MTX2: variants seen among roughly 807,000 people sequenced by gnomAD.
MTX2 encodes metaxin 2, also known as metaxin-2.
In MTX2, 35 loss-of-function variants were observed where a neutral mutation model predicts 42.3. That is an observed-to-expected ratio of 0.83 (90% confidence interval 0.63 to 1.10). MTX2 has a LOEUF of 1.10. Ranked by LOEUF, MTX2 falls within the 50% of genes least tolerant of loss-of-function variation. The pLI is 0.00. For synonymous variants in MTX2, 119 were observed against 100.9 expected (o/e 1.18, Z -1.08); for missense variants, 307 against 304.1 (o/e 1.01, Z -0.07).
chr2:176,325,962 A>ATTC (rs1416498633), intron 4 of MTX2, among the ~76,000 whole-genome samples: 16 of 147,728 alleles, frequency 1.1e-4, no homozygotes, highest in Non-Finnish European at 2.1e-4. Context: ...CCCCAGGCTG[A>ATTC]CGGAGCCAGA....
intron 1 of MTX2, among the ~76,000 whole-genome samples, chr2:176,286,599 G>T (rs191044428): frequency 3.8e-4 from 57 of 151,606 alleles, no homozygotes; most frequent in Admixed American, 3.6e-3. Flanking sequence ...GCCCAGGCTG[G>T]AGTGCAGTGG....
intron 9 of MTX2, among the ~76,000 whole-genome samples, chr2:176,337,284 C>T (rs776679452): frequency 8.5e-5 from 13 of 152,048 alleles, no homozygotes; most frequent in African/African-American, 1.7e-4. Flanking sequence ...TCAAACAGTC[C>T]GCCCACCTCA....
Position 176,330,667 on chromosome 2 carries a change from A to G in MTX2, c.620+7A>G, listed in dbSNP as rs1419647332. The G allele has an allele frequency of 6.3e-6, 10 of 1,582,618 alleles. No homozygotes were observed. The highest frequency in any genetic ancestry group is 4.1e-5 in the African/African-American group (3 of 74,002). ...CGTATTTCTTCAATAAGCAGTAAGA[A>G]ATTTTACTTTTTTAAAGTTAATTTT... On this transcript the variant is annotated splice_region_variant and intron_variant, in intron 9 of 9. Coordinates refer to ENST00000249442, the MANE Select transcript of MTX2 (RefSeq NM_006554.5).
intron 3 of MTX2, among the ~76,000 whole-genome samples, chr2:176,305,957 A>C (rs1684132401): frequency 6.6e-6 from 1 of 152,110 alleles, no homozygotes; most frequent in Admixed American, 6.6e-5. Flanking sequence ...GTACATGTGC[A>C]CAATGTGCAG....
chr2:176,281,658 A>C (rs1471289574), intron 1 of MTX2, among the ~76,000 whole-genome samples: 1 of 152,200 alleles, frequency 6.6e-6, no homozygotes, highest in East Asian at 1.9e-4. Context: ...TTGTGGACGT[A>C]TTTAAGACAT....
At chr2:176,280,101 T>C (rs762914512) in intron 1 of MTX2, among the ~76,000 whole-genome samples, 2 of 152,180 alleles carry the variant, frequency 1.3e-5, no homozygotes, top group Non-Finnish European at 2.9e-5. Flanking sequence ...TTAGGTCAGT[T>C]TTTAAAGATG....
intron 1 of MTX2, among the ~76,000 whole-genome samples, chr2:176,282,403 TG>T: frequency 6.6e-6 from 1 of 152,194 alleles, no homozygotes; most frequent in Middle Eastern, 3.4e-3. Flanking sequence ...CTGAACATTT[TG>T]CCTCCGTTTC....
At chr2:176,321,739 G>A (rs1241818422) in intron 3 of MTX2, among the ~76,000 whole-genome samples, 3 of 152,084 alleles carry the variant, frequency 2.0e-5, no homozygotes, top group African/African-American at 7.2e-5. Flanking sequence ...AGTCCAGTTG[G>A]CCATACCCAG....
rs968667425 is a variant in MTX2 at position 176,269,461 on chromosome 2, G to T, written c.-169G>T. 1.5e-6 allele frequency: 1 copy of T among 683,966 alleles called. No homozygotes were observed. 42.4% of individuals were successfully genotyped at this position (683,966 alleles called of 1,614,324 possible). ...CCGGAAGTCCCTAGCCAGGCCTGGC[G>T]GTAACCTTGGGGGCCTCACTGCAGC... On this transcript the variant is annotated 5_prime_UTR_variant, in exon 1 of 10. Coordinates refer to ENST00000249442, the MANE Select transcript of MTX2 (RefSeq NM_006554.5).
chr2:176,331,405 A>G (rs1470596209), intron 9 of MTX2, among the ~76,000 whole-genome samples: 2 of 151,080 alleles, frequency 1.3e-5, no homozygotes, highest in African/African-American at 2.4e-5. Flanking sequence ...TTGACATTTT[A>G]ATAAAAATTA....
intron 1 of MTX2, among the ~76,000 whole-genome samples, chr2:176,288,345 T>C (rs1693253560): frequency 6.6e-6 from 1 of 152,078 alleles, no homozygotes; most frequent in Admixed American, 6.6e-5. Flanking sequence ...ATGTTATCAC[T>C]GATATCATTA....
intron 3 of MTX2, among the ~76,000 whole-genome samples, chr2:176,314,881 A>G (rs1684400520): frequency 6.6e-6 from 1 of 152,220 alleles, no homozygotes; most frequent in Non-Finnish European, 1.5e-5. Flanking sequence ...TGCAGGAAGC[A>G]GAAAAGACCA....
chr2:176,291,635 A>G (rs996563527), intron 1 of MTX2, among the ~76,000 whole-genome samples: 3 of 152,120 alleles, frequency 2.0e-5, no homozygotes, highest in African/African-American at 7.2e-5. Context: ...GCCCAGTGCA[A>G]CATGAAAGTG....
rs1685027556 is a variant in MTX2 at position 176,337,626 on chromosome 2, C to T, written c.754C>T (p.His252Tyr). ...LLAFCRRIEQ[H>Y]YFEDRGKGRL... is the part of the protein sequence containing the mutation. The stretch of plus-strand genomic sequence containing the variant: ...TGCTTTCTGTAGGAGAATTGAACAG[C>T]ACTATTTTGAAGATCGTGGTAAAGG... The change falls in exon 10 of 10, where the codon CAC becomes TAC. Residue 252 changes from histidine to tyrosine, a missense_variant. By Grantham distance (83) the His-to-Tyr change is moderately conservative. Coordinates refer to ENST00000249442, the MANE Select transcript of MTX2 (RefSeq NM_006554.5). 1.2e-6 allele frequency: 2 copies of T among 1,611,642 alleles called. No homozygotes were observed. The highest frequency in any genetic ancestry group is 2.2e-5 in the East Asian group (1 of 44,756).
rs1425383926 is a variant in MTX2 at position 176,337,526 on chromosome 2, T to G, written c.654T>G (p.His218Gln). The G allele has an allele frequency of 6.2e-7, 1 of 1,612,152 alleles. No homozygotes were observed. Among genetic ancestry groups the G allele is most frequent in the Non-Finnish European group, 8.5e-7 (1 of 1,179,004 alleles). Residue 218 changes from histidine (H) to glutamine (Q), a missense_variant, in exon 10 of 10, where the codon CAT becomes CAG. Physicochemically the swap from His to Gln is conservative, Grantham distance 24. Coordinates refer to ENST00000249442, the MANE Select transcript of MTX2 (RefSeq NM_006554.5). Reference sequence around the variant, plus strand: ...AACTTGACGCACTGGTATTTGGCCATCTATACACCATTCTTACCACACAAT... The same window carrying G: ...AACTTGACGCACTGGTATTTGGCCAGCTATACACCATTCTTACCACACAAT... The part of the protein sequence containing the change: ...PTELDALVFG[H>Q]LYTILTTQLT...
At chr2:176,281,037 C>T (rs573425320) in intron 1 of MTX2, among the ~76,000 whole-genome samples, 3 of 152,276 alleles carry the variant, frequency 2.0e-5, no homozygotes, top group Admixed American at 6.5e-5. Flanking sequence ...TGGAGTTCTG[C>T]TCCTTTTATA....
At chr2:176,327,153 ATC>A (rs766708282) in intron 5 of MTX2, among the ~76,000 whole-genome samples, 2 of 151,284 alleles carry the variant, frequency 1.3e-5, no homozygotes, top group Non-Finnish European at 3.0e-5. Flanking sequence ...AGATGGTTTG[ATC>A]TTTACAAAAT....
At chr2:176,319,496 C>A (rs1001645133) in intron 3 of MTX2, among the ~76,000 whole-genome samples, 1 of 148,998 alleles carries the variant, frequency 6.7e-6, no homozygotes, top group African/African-American at 2.5e-5. Context: ...TGGACTCAAG[C>A]TATCCTACCA....
chr2:176,322,459 C>T (rs1021349975), intron 3 of MTX2, among the ~76,000 whole-genome samples: 9 of 151,870 alleles, frequency 5.9e-5, no homozygotes, highest in African/African-American at 1.5e-4. Flanking sequence ...TAATTAGAAC[C>T]ATTGTAACTT....
Sources: allele counts gnomAD v4.1 joint callset (sites outside exome capture counted in the v4.1 genomes callset), GRCh38; gene constraint gnomAD v4.1.1; transcripts MANE v1.5; gene names NCBI Gene and HGNC (gene_info 2026-07-23, HGNC 2026-07-21).